GPC5: variants seen among roughly 807,000 people sequenced by gnomAD.
GPC5 encodes the protein glypican 5.
A neutral mutation model predicts 53.9 loss-of-function variants in GPC5; 47 were observed. The ratio of observed to expected loss-of-function variants is 0.87; its 90% CI spans 0.69 to 1.11. The LOEUF (loss-of-function observed/expected upper bound fraction) is 1.11. Ranked by LOEUF, GPC5 falls within the 50% of genes most tolerant of loss-of-function variation. The pLI is 0.00. For missense variants in GPC5, 748 were observed against 713.1 expected (o/e 1.05, Z -0.56); for synonymous variants, 286 against 263.3 (o/e 1.09, Z -0.84).
At chr13:92,025,569 T>C (rs565467550) in intron 6 of GPC5, among the ~76,000 whole-genome samples, 2 of 152,292 alleles carry the variant, frequency 1.3e-5, no homozygotes, top group South Asian at 2.1e-4. Flanking sequence ...GCAGGTCATG[T>C]AGTGTAAACT....
chr13:91,741,251 T>C (rs1297679376), intron 4 of GPC5, among the ~76,000 whole-genome samples: 1 of 152,230 alleles, frequency 6.6e-6, no homozygotes, highest in Non-Finnish European at 1.5e-5. Flanking sequence ...TTAATTGAAA[T>C]ATTATATCAT....
chr13:91,648,185 G>T (rs1454805331), intron 2 of GPC5, among the ~76,000 whole-genome samples: 3 of 152,102 alleles, frequency 2.0e-5, no homozygotes, highest in East Asian at 3.9e-4. Context: ...CTTCCCTTTA[G>T]CCTTTTCATT....
rs542633786 is a variant in GPC5, at chr13:92,094,112, C to G, written c.1402-50718C>G. On this transcript the variant is annotated intron_variant, in intron 6 of 7. Coordinates refer to ENST00000377067, the MANE Select transcript of GPC5 (RefSeq NM_004466.6). ...TACTGTTTTTAATGATCAATTATTA[C>G]GCCAATGATTTATATAACGGGGAAC... 3.3e-5 allele frequency among the ~76,000 whole-genome samples: 5 copies of G among 152,182 alleles called. No homozygotes were observed. The East Asian group carries it at 9.6e-4, about 29-fold the overall frequency.
At chr13:91,850,577 T>G (rs1371693335) in intron 5 of GPC5, among the ~76,000 whole-genome samples, 1 of 152,176 alleles carries the variant, frequency 6.6e-6, no homozygotes, top group Non-Finnish European at 1.5e-5. Context: ...TAGGGATGTC[T>G]CTAGATTACA....
chr13:92,467,147 C>G lies in GPC5; in HGVS notation c.1561+322158C>G, dbSNP rs575697833. 1.3e-4 allele frequency among the ~76,000 whole-genome samples: 20 copies of G among 152,202 alleles called. No individual in the cohort carries two copies. In the South Asian group the frequency reaches 3.9e-3, roughly 30 times the overall value. On this transcript the variant is annotated intron_variant, in intron 7 of 7. Transcript: ENST00000377067. ...TTCTCAAATGGCTTTTGAAGAAACT[C>G]TTAGAAGTTGTTTGAACATCATAAG... is the stretch of plus-strand genomic sequence containing the variant.
At chr13:91,878,060 T>C (rs2039223939) in intron 5 of GPC5, among the ~76,000 whole-genome samples, 1 of 152,202 alleles carries the variant, frequency 6.6e-6, no homozygotes, top group African/African-American at 2.4e-5. Flanking sequence ...TCCCTAGCTA[T>C]GTGGAACCGT....
chr13:91,493,751 C>T (rs965742496), intron 2 of GPC5, among the ~76,000 whole-genome samples: 3 of 151,894 alleles, frequency 2.0e-5, no homozygotes, highest in Non-Finnish European at 2.9e-5. Flanking sequence ...ATATCCCTTT[C>T]ATCCTTAGTC....
intron 7 of GPC5, among the ~76,000 whole-genome samples, chr13:92,627,171 C>A (rs1321843875): frequency 1.3e-5 from 2 of 152,146 alleles, no homozygotes; most frequent in Non-Finnish European, 2.9e-5. Context: ...AACCTGTAGT[C>A]CTTTTAGAAG....
intron 5 of GPC5, among the ~76,000 whole-genome samples, chr13:91,852,089 A>G (rs969738239): frequency 1.3e-5 from 2 of 151,944 alleles, no homozygotes; most frequent in Non-Finnish European, 2.9e-5. Flanking sequence ...GACTTCCACA[A>G]TGGTTGAACT....
At chr13:91,497,033 C>T (rs371809273) in intron 2 of GPC5, among the ~76,000 whole-genome samples, 18 of 152,006 alleles carry the variant, frequency 1.2e-4, no homozygotes, top group African/African-American at 2.4e-4. Context: ...TTTATATATA[C>T]GTGCAAAAAT....
chr13:92,202,612 C>A (rs2042303374), intron 7 of GPC5, among the ~76,000 whole-genome samples: 1 of 152,136 alleles, frequency 6.6e-6, no homozygotes, highest in Non-Finnish European at 1.5e-5. Context: ...AGACGGTAAT[C>A]TTTCTCAGAG....
intron 7 of GPC5, among the ~76,000 whole-genome samples, chr13:92,439,262 A>G: frequency 6.6e-6 from 1 of 152,192 alleles, no homozygotes; most frequent in East Asian, 1.9e-4. Flanking sequence ...AGAAATAGCA[A>G]TTTCAGAATG....
chr13:92,250,530 A>C (rs1476797561), intron 7 of GPC5, among the ~76,000 whole-genome samples: 1 of 152,070 alleles, frequency 6.6e-6, no homozygotes, highest in African/African-American at 2.4e-5. Context: ...CTGTGGGTTT[A>C]AAAACACTCG....
At chr13:91,621,499 G>T (rs1375350369) in intron 2 of GPC5, among the ~76,000 whole-genome samples, 2 of 151,924 alleles carry the variant, frequency 1.3e-5, no homozygotes, top group African/African-American at 2.4e-5. Context: ...AGAATTGTTG[G>T]AATAGCAAAG....
intron 6 of GPC5, among the ~76,000 whole-genome samples, chr13:91,960,159 CT>C (rs1425472922): frequency 1.1e-4 from 12 of 105,594 alleles, no homozygotes; most frequent in African/African-American, 3.7e-4. Flanking sequence ...ATAATATGAT[CT>C]TATTCTAAAA....
intron 5 of GPC5, among the ~76,000 whole-genome samples, chr13:91,888,731 A>G (rs2039353106): frequency 6.6e-6 from 1 of 152,126 alleles, no homozygotes; most frequent in Admixed American, 6.6e-5. Flanking sequence ...ATAATCTTAA[A>G]TGGCCCGTTG....
In GPC5 at chr13:92,735,137, G is replaced by A. The variant is rs1371642729; in HGVS notation, c.1562-131145G>A. Among the ~76,000 whole-genome samples, 4 of 151,662 alleles carry A rather than the reference G, an allele frequency of 2.6e-5. 1 individual carries two copies. The highest frequency in any genetic ancestry group is 6.6e-5 in the Admixed American group (1 of 15,154). ...AAAAGCAGACAAAATACAAACATAC[G>A]GCATTTGTATTCTTTAAAAGTCTCA... is the stretch of plus-strand genomic sequence containing the variant. On this transcript the variant is annotated intron_variant, in intron 7 of 7. Coordinates refer to ENST00000377067, the MANE Select transcript of GPC5 (RefSeq NM_004466.6).
intron 7 of GPC5, among the ~76,000 whole-genome samples, chr13:92,206,828 C>T (rs940508478): frequency 1.3e-5 from 2 of 152,124 alleles, no homozygotes; most frequent in Admixed American, 6.5e-5. Context: ...TCCATCATCA[C>T]ATCATGTGAC....
intron 6 of GPC5, among the ~76,000 whole-genome samples, chr13:92,096,387 A>G (rs1025544499): frequency 1.6e-4 from 24 of 152,212 alleles, no homozygotes; most frequent in African/African-American, 5.5e-4. Context: ...ACATGTCTTA[A>G]ATGGAAATCC....
Sources: gnomAD v4.1 joint callset for allele counts (sites outside exome capture counted in the v4.1 genomes callset) on GRCh38, gnomAD v4.1.1 for gene constraint, MANE v1.5 for transcripts, NCBI Gene and HGNC (gene_info 2026-07-23, HGNC 2026-07-21) for gene names.